Variants in SLC15A2 observed in about 807,000 individuals in gnomAD.
The protein encoded by SLC15A2 is solute carrier family 15 member 2, also known as kidney H(+)/peptide cotransporter.
SLC15A2 carries 77 observed loss-of-function variants against 95.5 expected under a neutral mutation model. The ratio of observed to expected loss-of-function variants is 0.81; its 90% CI spans 0.67 to 0.97. The LOEUF (loss-of-function observed/expected upper bound fraction) is 0.97, where lower values mean the gene tolerates loss of function less well. Among genes scored for constraint, SLC15A2 ranks in the 50% least tolerant of loss-of-function variants. SLC15A2 has a pLI of 0.00. For synonymous variants in SLC15A2, 306 were observed against 306.9 expected, an observed-to-expected ratio of 1.00 and a Z score of 0.03; for missense variants, 893 against 874.4, an observed-to-expected ratio of 1.02 and a Z score of -0.27.
rs558418994 is a variant in SLC15A2, at chr3:121,942,950, T to C, written c.*1943T>C. The stretch of plus-strand genomic sequence containing the variant: ...TGAAACCTCCTACCATTGTTTTTTT[T>C]CCCCTGTAGCTAACAAGAATAAGTA... On this transcript the variant is annotated 3_prime_UTR_variant, in exon 22 of 22. Coordinates refer to ENST00000489711, the MANE Select transcript of SLC15A2 (RefSeq NM_021082.4). 138 of 152,302 alleles carry C rather than the reference T, an allele frequency of 9.1e-4. No homozygotes were observed. Among genetic ancestry groups the C allele is most frequent in the African/African-American group, 3.3e-3 (136 of 41,560 alleles). The allele number at this position is 152,302 out of a possible 1,614,324, so 9.4% of individuals were successfully genotyped here.
intron 4 of SLC15A2, among the ~76,000 whole-genome samples, 178 bp from the exon 5 acceptor site, chr3:121,912,843 G>A (rs952617259): frequency 5.3e-5 from 8 of 152,142 alleles, no homozygotes; most frequent in African/African-American, 1.9e-4. Context: ...ATCATAAATA[G>A]GGTAATTGAC....
chr3:121,909,773 C>T (rs1341146815), intron 3 of SLC15A2, among the ~76,000 whole-genome samples: 1 of 151,886 alleles, frequency 6.6e-6, no homozygotes, highest in Non-Finnish European at 1.5e-5. Flanking sequence ...TGAATGTGGC[C>T]CAGTACAAAT....
chr3:121,938,050 G>C (rs1710383294), intron 19 of SLC15A2, among the ~76,000 whole-genome samples: 1 of 151,280 alleles, frequency 6.6e-6, no homozygotes, highest in Non-Finnish European at 1.5e-5. Flanking sequence ...TGCCCCTGCT[G>C]GGGGGTGCCT....
intron 7 of SLC15A2, among the ~76,000 whole-genome samples, chr3:121,920,444 A>G (rs1709982499): frequency 6.6e-6 from 1 of 152,110 alleles, no homozygotes; most frequent in Non-Finnish European, 1.5e-5. Flanking sequence ...ACAGGTGCGC[A>G]CCACCACGCC....
rs1169378809 is a variant in SLC15A2 at position 121,928,449 on chromosome 3, A to G, written c.1235A>G (p.Gln412Arg). Residue 412 changes from glutamine to arginine, a missense_variant, in exon 15 of 22, where the codon CAG becomes CGG. Transcript: ENST00000489711. ...NEMAPAQPGP[Q>R]EVFLQVLNLA... ...ATGGCCCCAGCCCAGCCAGGTCCCC[A>G]GGAGGTTTTCCTACAAGTCTTGAAT... 1 of 1,614,034 alleles carries G rather than the reference A, an allele frequency of 6.2e-7. No individual in the cohort carries two copies. Among genetic ancestry groups the G allele is most frequent in the African/African-American group, 1.3e-5 (1 of 75,054 alleles).
chr3:121,936,172 G>A (rs1710342438), intron 19 of SLC15A2, among the ~76,000 whole-genome samples: 1 of 152,122 alleles, frequency 6.6e-6, no homozygotes, highest in South Asian at 2.1e-4. Context: ...GCCGAGGAGA[G>A]CTTTACTTCC....
At chr3:121,907,486 G>T (rs919360669) in intron 3 of SLC15A2, among the ~76,000 whole-genome samples, 2 of 152,220 alleles carry the variant, frequency 1.3e-5, no homozygotes, top group African/African-American at 4.8e-5. Context: ...CATCTTTGTG[G>T]TTTTTATCTA....
At chr3:121,900,725 G>A (rs931144337) in intron 3 of SLC15A2, among the ~76,000 whole-genome samples, 23 of 151,800 alleles carry the variant, frequency 1.5e-4, no homozygotes, top group Non-Finnish European at 2.1e-4. Flanking sequence ...TCCAAACCCC[G>A]TAAGGCTCAC....
intron 19 of SLC15A2, among the ~76,000 whole-genome samples, chr3:121,933,042 G>T (rs1343083952): frequency 6.7e-6 from 1 of 150,064 alleles, no homozygotes; most frequent in East Asian, 2.0e-4. Context: ...ATAGTTTACT[G>T]AGAATGATGA....
At chr3:121,910,238 A>T (rs1273542612) in intron 3 of SLC15A2, among the ~76,000 whole-genome samples, 3 of 134,300 alleles carry the variant, frequency 2.2e-5, no homozygotes, top group African/African-American at 8.4e-5. Flanking sequence ...CTCTGTCGCC[A>T]GTATGGAGTG....
At chr3:121,928,614 C>G in intron 15 of SLC15A2, 59 bp downstream of exon 15, 1 of 1,548,666 alleles carries the variant, frequency 6.5e-7, no homozygotes, top group Admixed American at 2.0e-5. Context: ...CTTGATTTTT[C>G]CTTAACATTA....
intron 1 of SLC15A2, among the ~76,000 whole-genome samples, chr3:121,895,106 T>C (rs924181242): frequency 6.6e-6 from 1 of 152,222 alleles, no homozygotes; most frequent in Non-Finnish European, 1.5e-5. Context: ...ACTTCTAAAC[T>C]CATCATCTCA....
In SLC15A2 at chr3:121,894,507, G is replaced by A. The variant is rs771751951; in HGVS notation, c.31G>A (p.Glu11Lys). The A allele has an allele frequency of 1.9e-6, 3 of 1,613,386 alleles. No individual in the cohort carries two copies. The South Asian group carries it at 3.3e-5, about 18-fold the overall frequency. The stretch of plus-strand genomic sequence containing the variant: ...TCCTTTCCAGAAAAATGAGTCCAAG[G>A]AAACTCTTTTTTCACCTGTCTCCAT... MNPFQKNESK[E>K]TLFSPVSIEE... The change falls in exon 1 of 22, where the codon GAA becomes AAA. Residue 11 changes from glutamate (E) to lysine (K), a missense_variant. Coordinates refer to ENST00000489711, the MANE Select transcript of SLC15A2 (RefSeq NM_021082.4).
intron 3 of SLC15A2, among the ~76,000 whole-genome samples, chr3:121,901,204 A>G (rs904270092): frequency 2.6e-5 from 4 of 152,078 alleles, no homozygotes; most frequent in African/African-American, 9.7e-5. Flanking sequence ...TTTTTAGTAG[A>G]GATGAGATTT....
chr3:121,927,646 T>C, intron 13 of SLC15A2, 112 bp from the exon 14 acceptor site: 1 of 727,358 alleles, frequency 1.4e-6, no homozygotes, highest in Non-Finnish European at 2.4e-6. Flanking sequence ...GGTATTTCTT[T>C]ACAGCAATGC....
intron 7 of SLC15A2, among the ~76,000 whole-genome samples, chr3:121,918,702 GA>G (rs1288490432): frequency 6.6e-6 from 1 of 152,178 alleles, no homozygotes; most frequent in African/African-American, 2.4e-5. Flanking sequence ...TGGATATGAA[GA>G]AGATTTCAAG....
At position 121,925,002 on chromosome 3, in the gene SLC15A2, C is replaced by G. The variant is rs754746384; in HGVS notation, c.1093C>G (p.Arg365Gly). The change falls in exon 13 of 22, where the codon CGT (arginine) becomes GGT (glycine). Residue 365 changes from arginine to glycine, a missense_variant. Arg to Gly is a moderately radical substitution (Grantham distance 125, BLOSUM62 -2). Transcript: ENST00000489711. ...CCCGTTGTTTGACTTTGTCATTTAT[C>G]GTCTGGTCTCCAAGTGTGGAATTAA... is the stretch of plus-strand genomic sequence containing the variant. ...FIPLFDFVIYRLVSKCGINFS... is the reference protein window; with the variant it reads ...FIPLFDFVIYGLVSKCGINFS... 6.2e-7 allele frequency: 1 copy of G among 1,613,132 alleles called. No homozygotes were observed. Among genetic ancestry groups the G allele is most frequent in the East Asian group, 2.2e-5 (1 of 44,860 alleles).
rs1710085390 is a variant in SLC15A2, at chr3:121,924,972, T to C, written c.1063T>C (p.Phe355Leu). ...TCTAAATCCCCTTCTGGTTCTTATC[T>C]TCATCCCGTTGTTTGACTTTGTCAT... ...QVLNPLLVLI[F>L]IPLFDFVIYR... is the part of the protein sequence containing the mutation. Residue 355 changes from phenylalanine (F) to leucine (L), a missense_variant, in exon 13 of 22, where the codon TTC becomes CTC. Transcript: ENST00000489711. The C allele has an allele frequency of 6.2e-7, 1 of 1,613,042 alleles. No individual in the cohort carries two copies. Among genetic ancestry groups the C allele is most frequent in the African/African-American group, 1.3e-5 (1 of 74,928 alleles).
chr3:121,905,311 G>A lies in SLC15A2; in HGVS notation c.336-6263G>A, dbSNP rs182301721. On this transcript the variant is annotated intron_variant, in intron 3 of 21. Transcript: ENST00000489711. ...TTTCAAAAAACCAGCTCCTGGATTC[G>A]TTGATTTTTTGAAGGGTTTTTTGTG... 3.9e-5 allele frequency among the ~76,000 whole-genome samples: 6 copies of A among 152,066 alleles called. No homozygotes were observed. The East Asian group carries it at 5.8e-4, about 15-fold the overall frequency.
Sources: allele counts gnomAD v4.1 joint callset (sites outside exome capture counted in the v4.1 genomes callset), GRCh38; gene constraint gnomAD v4.1.1; transcripts MANE v1.5; gene names NCBI Gene and HGNC (gene_info 2026-07-23, HGNC 2026-07-21).